SLC24A4: variants seen among roughly 807,000 people sequenced by gnomAD.
The protein encoded by SLC24A4 is sodium/potassium/calcium exchanger 4.
A neutral mutation model predicts 79.0 loss-of-function variants in SLC24A4; 53 were observed. The observed-to-expected ratio is 0.67, with a 90% confidence interval of 0.54 to 0.84. SLC24A4 has a LOEUF of 0.84. Ranked by LOEUF, SLC24A4 falls within the 40% of genes least tolerant of loss-of-function variation. SLC24A4 has a pLI of 0.00. For missense variants in SLC24A4, 731 were observed against 822.0 expected (o/e 0.89, Z 1.35); for synonymous variants, 323 against 323.8 (o/e 1.00, Z 0.03).
chr14:92,436,616 T>C (rs1471788069), intron 3 of SLC24A4, among the ~76,000 whole-genome samples: 1 of 152,236 alleles, frequency 6.6e-6, no homozygotes, highest in Non-Finnish European at 1.5e-5. Flanking sequence ...TTTTTTGATT[T>C]GAATGGGTAG....
chr14:92,344,536 T>C (rs1266937849), intron 2 of SLC24A4, among the ~76,000 whole-genome samples: 2 of 151,582 alleles, frequency 1.3e-5, no homozygotes, highest in African/African-American at 2.4e-5. Context: ...GCAGTTGGAG[T>C]TGGGGAGAGT....
At chr14:92,417,468 T>G (rs1450876506) in intron 2 of SLC24A4, among the ~76,000 whole-genome samples, 1 of 152,192 alleles carries the variant, frequency 6.6e-6, no homozygotes, top group Non-Finnish European at 1.5e-5. Context: ...TTTAAAAGTT[T>G]ATAAAGAAAA....
chr14:92,348,787 G>A (rs778909189), intron 2 of SLC24A4, among the ~76,000 whole-genome samples: 3 of 152,192 alleles, frequency 2.0e-5, no homozygotes, highest in African/African-American at 4.8e-5. Context: ...GAAGCAAAGC[G>A]TTCTAAGGAG....
chr14:92,468,527 C>A (rs913127788), intron 12 of SLC24A4, among the ~76,000 whole-genome samples: 28 of 152,126 alleles, frequency 1.8e-4, no homozygotes, highest in Non-Finnish European at 4.4e-5. Context: ...ATAGAGTAAT[C>A]AAGATTGTCT....
intron 2 of SLC24A4, among the ~76,000 whole-genome samples, chr14:92,410,233 G>C (rs1231838208): frequency 2.6e-5 from 4 of 152,186 alleles, no homozygotes; most frequent in Admixed American, 2.6e-4. Context: ...CCAGGCTGGA[G>C]TGCGGTGGTA....
chr14:92,352,959 G>A (rs1316915431), intron 2 of SLC24A4, among the ~76,000 whole-genome samples: 3 of 152,212 alleles, frequency 2.0e-5, no homozygotes, highest in Non-Finnish European at 4.4e-5. Context: ...TGCCCCTGGA[G>A]AGTAACTGTG....
chr14:92,367,766 G>C (rs541900088), intron 2 of SLC24A4, among the ~76,000 whole-genome samples: 5 of 152,196 alleles, frequency 3.3e-5, no homozygotes, highest in Non-Finnish European at 7.4e-5. Context: ...CCCGTGAGGG[G>C]CTTTGTGGGT....
intron 2 of SLC24A4, among the ~76,000 whole-genome samples, chr14:92,401,628 A>G (rs1297714280): frequency 1.3e-5 from 2 of 152,122 alleles, no homozygotes; most frequent in South Asian, 2.1e-4. Flanking sequence ...TGGAGTGGCA[A>G]TGAGATTGTG....
chr14:92,359,069 T>A (rs1384590015), intron 2 of SLC24A4, among the ~76,000 whole-genome samples: 2 of 152,186 alleles, frequency 1.3e-5, no homozygotes, highest in Non-Finnish European at 2.9e-5. Context: ...GATCATCTAG[T>A]CAGCGTGGCT....
intron 12 of SLC24A4, among the ~76,000 whole-genome samples, chr14:92,466,236 G>A (rs913580481): frequency 6.6e-6 from 1 of 152,200 alleles, no homozygotes; most frequent in Non-Finnish European, 1.5e-5. Context: ...GCAAGCGGAA[G>A]TTAACATGGT....
chr14:92,376,163 A>G (rs1207159717), intron 2 of SLC24A4, among the ~76,000 whole-genome samples: 2 of 152,192 alleles, frequency 1.3e-5, no homozygotes, highest in Non-Finnish European at 2.9e-5. Flanking sequence ...TGAGCTCTGG[A>G]GCAAGGCAGA....
chr14:92,351,234 A>ACGCG (rs1555360940), intron 2 of SLC24A4, among the ~76,000 whole-genome samples: 34 of 130,900 alleles, frequency 2.6e-4, no homozygotes, highest in African/African-American at 8.1e-4. Flanking sequence ...ACACACATAC[A>ACGCG]CGCACACACA....
At chr14:92,489,838 A>G (rs1053133009) in intron 14 of SLC24A4, among the ~76,000 whole-genome samples, 4 of 151,902 alleles carry the variant, frequency 2.6e-5, no homozygotes, top group Non-Finnish European at 5.9e-5. Context: ...GCACCTTCCT[A>G]CCCTCCTGAC....
In SLC24A4 at chr14:92,482,667, C is replaced by T; in HGVS notation, c.1256-13C>T. On this transcript the variant is annotated splice_polypyrimidine_tract_variant and intron_variant, in intron 12 of 16. Transcript: ENST00000532405. ...CTCCCCCTCCTTTCTCACTCTGCCC[C>T]TTCACCCTGCAGAGGCCAGAGGGGA... The T allele has an allele frequency of 1.2e-6, 2 of 1,602,856 alleles. No individual in the cohort carries two copies. Among genetic ancestry groups the T allele is most frequent in the Non-Finnish European group, 1.7e-6 (2 of 1,173,748 alleles).
At chr14:92,401,773 G>C (rs1260438764) in intron 2 of SLC24A4, among the ~76,000 whole-genome samples, 1 of 152,142 alleles carries the variant, frequency 6.6e-6, no homozygotes, top group Non-Finnish European at 1.5e-5. Flanking sequence ...TGTCTGCCCA[G>C]CCAGGCTGTA....
At chr14:92,377,536 C>T (rs916778269) in intron 2 of SLC24A4, among the ~76,000 whole-genome samples, 1 of 152,170 alleles carries the variant, frequency 6.6e-6, no homozygotes, top group Non-Finnish European at 1.5e-5. Context: ...GAACATGGAA[C>T]AGCAGGAACA....
intron 2 of SLC24A4, among the ~76,000 whole-genome samples, chr14:92,374,469 A>G (rs1888388886): frequency 6.6e-6 from 1 of 152,204 alleles, no homozygotes; most frequent in Non-Finnish European, 1.5e-5. Context: ...CTGATTGTAA[A>G]TGGAAGCTTC....
intron 2 of SLC24A4, among the ~76,000 whole-genome samples, chr14:92,375,266 C>T (rs77640937): frequency 0.056 from 8,503 of 152,188 alleles, 302 homozygotes; most frequent in Middle Eastern, 0.1. Flanking sequence ...ACTAGAATGG[C>T]CTTGACTTAA....
Position 92,325,964 on chromosome 14 carries a change from ACTG to A in SLC24A4, c.229_231del (p.Cys77del), listed in dbSNP as rs751792334. 1 of 1,608,716 alleles carries A rather than the reference ACTG, an allele frequency of 6.2e-7. No individual in the cohort carries two copies. Among genetic ancestry groups the A allele is most frequent in the African/African-American group, 1.3e-5 (1 of 74,972 alleles). ...GTGAATGGGACACAGACAGCCAAGA[ACTG>A]CACAGATCCTGGTAAGAAATCAATT... is the stretch of plus-strand genomic sequence containing the variant. On this transcript the variant is annotated inframe_deletion, in exon 2 of 17. Transcript: ENST00000532405.
Sources: gnomAD v4.1 joint callset for allele counts (sites outside exome capture counted in the v4.1 genomes callset) on GRCh38, gnomAD v4.1.1 for gene constraint, MANE v1.5 for transcripts, NCBI Gene and HGNC (gene_info 2026-07-23, HGNC 2026-07-21) for gene names.